IYD: variants seen among roughly 807,000 people sequenced by gnomAD.
The protein encoded by IYD is iodotyrosine deiodinase.
In IYD, 25 loss-of-function variants were observed where a neutral mutation model predicts 28.4. The ratio of observed to expected loss-of-function variants is 0.88; its 90% confidence interval spans 0.64 to 1.23. The LOEUF (loss-of-function observed/expected upper bound fraction) is 1.23, where lower values mean the gene tolerates loss of function less well. Among genes scored for constraint, IYD ranks in the 50% most tolerant of loss-of-function variants. The probability of loss-of-function intolerance (pLI) is 0.00; values close to 1 mark genes in which losing one functional copy is unlikely to be tolerated. For missense variants in IYD, 352 were observed against 357.9 expected (o/e 0.98, Z 0.13); for synonymous variants, 140 against 130.8 (o/e 1.07, Z -0.48).
chr6:150,386,427 A>T (rs1162329721), intron 1 of IYD, among the ~76,000 whole-genome samples: 2 of 151,746 alleles, frequency 1.3e-5, no homozygotes, highest in Non-Finnish European at 2.9e-5. Flanking sequence ...ATCATTATCT[A>T]TTGGGCCATT....
Position 150,369,920 on chromosome 6 carries a change from TGAGGGTG to T in IYD, c.178+717_178+723del, listed in dbSNP as rs1465301327. ...AGGGGTAAGAGAGGAAGTGGAGAAT[TGAGGGTG>T]GAGGGAGAGGGTAAGAATGGAAGTA... is the stretch of plus-strand genomic sequence containing the variant. On this transcript the variant is annotated intron_variant, in intron 1 of 4. Coordinates refer to ENST00000344419, the MANE Select transcript of IYD (RefSeq NM_203395.3). 20 of 698,312 alleles carry T rather than the reference TGAGGGTG, an allele frequency of 2.9e-5. No homozygotes were observed. The East Asian group carries it at 4.8e-4, about 17-fold the overall frequency. The allele number at this position is 698,312 out of a possible 1,614,324, so 43.3% of individuals were successfully genotyped here.
chr6:150,372,905 G>A (rs182258036), intron 1 of IYD, among the ~76,000 whole-genome samples: 13 of 152,148 alleles, frequency 8.5e-5, no homozygotes, highest in Non-Finnish European at 1.6e-4. Flanking sequence ...AAGAAGAGTT[G>A]CTGAAGTTTA....
chr6:150,370,604 G>A (rs757666152), intron 1 of IYD: 61 of 985,232 alleles, frequency 6.2e-5, no homozygotes, highest in Middle Eastern at 5.2e-4. Context: ...CACTCAGAAC[G>A]TCAATTCTAC....
At chr6:150,395,471 C>T (rs1778277161) in intron 4 of IYD, 1 of 1,537,044 alleles carries the variant, frequency 6.5e-7, no homozygotes, top group Non-Finnish European at 8.7e-7. Context: ...AATGGAATCA[C>T]CATGCGGCAT....
chr6:150,387,753 C>A (rs1777931519), intron 1 of IYD, among the ~76,000 whole-genome samples: 1 of 151,998 alleles, frequency 6.6e-6, no homozygotes, highest in Non-Finnish European at 1.5e-5. Context: ...GTTCTTAATT[C>A]TATTATTTTT....
At position 150,404,595 on chromosome 6, in the gene IYD, T is replaced by C. The variant is rs188612500; in HGVS notation, c.*6358T>C. The C allele has an allele frequency of 1.2e-4, 19 of 152,338 alleles. No individual in the cohort carries two copies. Among genetic ancestry groups the C allele is most frequent in the Admixed American group, 1.2e-3 (18 of 15,306 alleles). 9.4% of individuals were successfully genotyped at this position (152,338 alleles called of 1,614,324 possible). A position where few individuals can be genotyped will look rare whatever the true frequency, so the allele number is the denominator to read the frequency against. Reference sequence around the variant, plus strand: ...AATTACACAAGAAGTTTAGAATGTTTAAAAGATTTTAATAAACAAAGCCTA... The same window carrying C: ...AATTACACAAGAAGTTTAGAATGTTCAAAAGATTTTAATAAACAAAGCCTA... On this transcript the variant is annotated 3_prime_UTR_variant, in exon 5 of 5. Coordinates refer to ENST00000344419, the MANE Select transcript of IYD (RefSeq NM_203395.3).
chr6:150,371,048 T>C (rs1229212274), intron 1 of IYD, among the ~76,000 whole-genome samples: 2 of 152,106 alleles, frequency 1.3e-5, no homozygotes, highest in Non-Finnish European at 2.9e-5. Flanking sequence ...TGGGCATTGC[T>C]AGAGAGAAGG....
Position 150,379,554 on chromosome 6 carries a change from T to C in IYD, c.179-9798T>C, listed in dbSNP as rs147949378. ...TCATAGGAGTGATTACAGTTTGTAATTCTATGCATACATACATTTGCTGCT... is the reference window on the plus strand; with the variant it reads ...TCATAGGAGTGATTACAGTTTGTAACTCTATGCATACATACATTTGCTGCT... On this transcript the variant is annotated intron_variant, in intron 1 of 4. Coordinates refer to ENST00000344419, the MANE Select transcript of IYD (RefSeq NM_203395.3). Among the ~76,000 whole-genome samples the C allele has an allele frequency of 1.1e-3, 161 of 152,356 alleles. 1 individual carries two copies. The highest frequency in any genetic ancestry group is 3.8e-3 in the African/African-American group (157 of 41,580).
chr6:150,391,970 A>C (rs974171538), intron 2 of IYD, among the ~76,000 whole-genome samples: 1 of 152,124 alleles, frequency 6.6e-6, no homozygotes, highest in Admixed American at 6.5e-5. Context: ...CGGCCTCCCA[A>C]AGTGCTGGGA....
rs1000016405 is a variant in IYD, at chr6:150,404,107, C to T, written c.*5870C>T. On this transcript the variant is annotated 3_prime_UTR_variant, in exon 5 of 5. Coordinates refer to ENST00000344419, the MANE Select transcript of IYD (RefSeq NM_203395.3). Reference sequence around the variant, plus strand: ...GAGTACTGTCTTATGACCAGAGATCCTAAGCAACCTCTGCTCATCTGAGTT... The same window carrying T: ...GAGTACTGTCTTATGACCAGAGATCTTAAGCAACCTCTGCTCATCTGAGTT... 1 of 152,162 alleles carries T rather than the reference C, an allele frequency of 6.6e-6. No individual in the cohort carries two copies. Among genetic ancestry groups the T allele is most frequent in the Non-Finnish European group, 1.5e-5 (1 of 68,018 alleles). 9.4% of individuals were successfully genotyped at this position (152,162 alleles called of 1,614,324 possible).
rs896054983 is a variant in IYD at position 150,403,769 on chromosome 6, T to C, written c.*5532T>C. ...TTATGTTATTATCATGACCTGAGAG[T>C]CATGGCTCAGAGCCAAATGTTCAGG... is the stretch of plus-strand genomic sequence containing the variant. On this transcript the variant is annotated 3_prime_UTR_variant, in exon 5 of 5. Coordinates refer to ENST00000344419, the MANE Select transcript of IYD (RefSeq NM_203395.3). 7 of 152,160 alleles carry C rather than the reference T, an allele frequency of 4.6e-5. No individual in the cohort carries two copies. The highest frequency in any genetic ancestry group is 3.9e-4 in the Admixed American group (6 of 15,278). 9.4% of individuals were successfully genotyped at this position (152,160 alleles called of 1,614,324 possible).
intron 1 of IYD, among the ~76,000 whole-genome samples, chr6:150,387,971 G>A (rs1264822327): frequency 1.3e-5 from 2 of 151,928 alleles, no homozygotes; most frequent in South Asian, 2.1e-4. Context: ...AGTATTTGGA[G>A]TCTTTGGGCA....
intron 4 of IYD, chr6:150,396,737 G>A (rs976173271): frequency 9.8e-5 from 24 of 245,554 alleles, no homozygotes; most frequent in African/African-American, 3.9e-4. Context: ...AGCCAGGCGT[G>A]GTGGCGGGCG....
intron 4 of IYD, chr6:150,396,130 A>G (rs1431073160): frequency 8.3e-6 from 2 of 240,854 alleles, no homozygotes; most frequent in South Asian, 1.2e-4. Flanking sequence ...CAACTGTAAA[A>G]TGATATGAAA....
Position 150,398,244 on chromosome 6 carries a change from C to T in IYD, c.*7C>T, listed in dbSNP as rs2076286. 0.075 allele frequency: 120,328 copies of T among 1,613,330 alleles called. 12,326 individuals are homozygous for T. The highest frequency in any genetic ancestry group is 0.42 in the African/African-American group (31,235 of 74,890). Reference sequence around the variant, plus strand: ...GATCATGGTGACAGTGTAGGCAGGGCCCCCCAAGGGAGTGGCAGGGAGATG... The same window carrying T: ...GATCATGGTGACAGTGTAGGCAGGGTCCCCCAAGGGAGTGGCAGGGAGATG... On this transcript the variant is annotated 3_prime_UTR_variant, in exon 5 of 5. Coordinates refer to ENST00000344419, the MANE Select transcript of IYD (RefSeq NM_203395.3).
At chr6:150,389,322 G>T (rs1778021083) in intron 1 of IYD, 30 bp from the exon 2 acceptor site, 3 of 1,580,624 alleles carry the variant, frequency 1.9e-6, no homozygotes, top group South Asian at 2.2e-5. Context: ...GGATCATTTA[G>T]TTTGTTACCT....
chr6:150,398,085 CCT>C lies in IYD; in HGVS notation c.722_723del (p.Leu241GlnfsTer16), dbSNP rs1365977063. On this transcript the variant is annotated frameshift_variant, in exon 5 of 5. Transcript: ENST00000344419. LOFTEE classifies it high-confidence loss of function. ...NAGLVTVTTT[P>X]LNCGPRLRVL... ...AGGTCTGGTGACTGTCACTACCACTCCTCTCAACTGTGGCCCTCGACTGAGGG... is the reference window on the plus strand; with the variant it reads ...AGGTCTGGTGACTGTCACTACCACTCCTCAACTGTGGCCCTCGACTGAGGG... 1 of 1,614,064 alleles carries C rather than the reference CCT, an allele frequency of 6.2e-7. No individual in the cohort carries two copies. Among genetic ancestry groups the C allele is most frequent in the African/African-American group, 1.3e-5 (1 of 74,940 alleles).
At chr6:150,373,596 GTT>G (rs1443989399) in intron 1 of IYD, among the ~76,000 whole-genome samples, 1 of 152,176 alleles carries the variant, frequency 6.6e-6, no homozygotes, top group African/African-American at 2.4e-5. Context: ...ATATTTAGGA[GTT>G]TTTTGTTAAA....
At chr6:150,371,763 C>A (rs1024872545) in intron 1 of IYD, among the ~76,000 whole-genome samples, 1 of 152,218 alleles carries the variant, frequency 6.6e-6, no homozygotes, top group African/African-American at 2.4e-5. Context: ...GTGGTGTCCA[C>A]AGATCTCTTG....
Sources: gnomAD v4.1 joint callset for allele counts (sites outside exome capture counted in the v4.1 genomes callset) on GRCh38, gnomAD v4.1.1 for gene constraint, MANE v1.5 for transcripts, NCBI Gene and HGNC (gene_info 2026-07-23, HGNC 2026-07-21) for gene names.